OR5D16: variants seen among roughly 807,000 people sequenced by gnomAD.
The protein encoded by OR5D16 is olfactory receptor family 5 subfamily D member 16.
For synonymous variants in OR5D16, 185 were observed against 153.2 expected (o/e 1.21, Z -1.53); for missense variants, 477 against 385.5 (o/e 1.24, Z -1.99).
Position 55,838,952 on chromosome 11 carries a change from C to CCT in OR5D16, c.205_206dup (p.Phe70ProfsTer14). 6.2e-7 allele frequency: 1 copy of CCT among 1,614,030 alleles called. No individual in the cohort carries two copies. Among genetic ancestry groups the CCT allele is most frequent in the Non-Finnish European group, 8.5e-7 (1 of 1,179,940 alleles). ...CCCCCATGTATTTTTTCCTCAACCA[C>CCT]CTCTCCTTTGTGGATTTCTGCTATT... On this transcript the variant is annotated frameshift_variant, in exon 1 of 1. Coordinates refer to ENST00000378396, the MANE Select transcript of OR5D16 (RefSeq NM_001005496.1). LOFTEE classifies it low-confidence loss of function (END_TRUNC).
rs1167610771 is a variant in OR5D16, at chr11:55,839,311, T to C, written c.560T>C (p.Ile187Thr). 1.9e-6 allele frequency: 3 copies of C among 1,613,624 alleles called. No individual in the cohort carries two copies. Among genetic ancestry groups the C allele is most frequent in the East Asian group, 2.2e-5 (1 of 44,882 alleles). ...TTCTTCTGTGAGTTATCCTCCCTGA[T>C]ATCACTCTCTTACCCTGACTCTTAT... The part of the protein sequence containing the change: ...NHFFCELSSL[I>T]SLSYPDSYLS... The change falls in exon 1 of 1, where the codon ATA becomes ACA. Residue 187 changes from isoleucine (I) to threonine (T), a missense_variant. Transcript: ENST00000378396.
At position 55,839,134 on chromosome 11, in the gene OR5D16, T is replaced by C. The variant is rs1282153961; in HGVS notation, c.383T>C (p.Ile128Thr). Residue 128 changes from isoleucine (I) to threonine (T), a missense_variant, in exon 1 of 1, where the codon ATT (isoleucine) becomes ACT (threonine). Physicochemically the swap from Ile to Thr is moderately conservative, Grantham distance 89. Coordinates refer to ENST00000378396, the MANE Select transcript of OR5D16 (RefSeq NM_001005496.1). ...AVMAYDHFVA[I>T]CNPLLYTVAI... is the part of the protein sequence containing the mutation. ...ATGGCCTATGACCACTTTGTGGCCATTTGCAATCCTCTGCTCTACACAGTT... is the reference window on the plus strand; with the variant it reads ...ATGGCCTATGACCACTTTGTGGCCACTTGCAATCCTCTGCTCTACACAGTT... The C allele has an allele frequency of 6.2e-7, 1 of 1,614,002 alleles. No homozygotes were observed. The highest frequency in any genetic ancestry group is 8.5e-7 in the Non-Finnish European group (1 of 1,179,966).
Position 55,839,143 on chromosome 11 carries a change from C to T in OR5D16, c.392C>T (p.Pro131Leu), listed in dbSNP as rs750721877. The T allele has an allele frequency of 2.5e-6, 4 of 1,614,034 alleles. No homozygotes were observed. In the South Asian group the frequency reaches 4.4e-5, roughly 18 times the overall value. The change falls in exon 1 of 1, where the codon CCT becomes CTT. Residue 131 changes from proline (P) to leucine (L), a missense_variant. Coordinates refer to ENST00000378396, the MANE Select transcript of OR5D16 (RefSeq NM_001005496.1). The part of the protein sequence containing the change: ...AYDHFVAICN[P>L]LLYTVAISQK... ...GACCACTTTGTGGCCATTTGCAATC[C>T]TCTGCTCTACACAGTTGCCATCTCC... is the stretch of plus-strand genomic sequence containing the variant.
chr11:55,839,019 G>A lies in OR5D16; in HGVS notation c.268G>A (p.Glu90Lys), dbSNP rs1854050119. The change falls in exon 1 of 1, where the codon GAA becomes AAA. Residue 90 changes from glutamate (E) to lysine (K), a missense_variant. Physicochemically the swap from Glu to Lys is moderately conservative, Grantham distance 56 (BLOSUM62 1). Coordinates refer to ENST00000378396, the MANE Select transcript of OR5D16 (RefSeq NM_001005496.1). ...APMMLVNLVV[E>K]DRTISFSGCL... is the part of the protein sequence containing the mutation. ...CATGATGCTGGTGAACCTGGTTGTAGAAGATAGAACCATTTCATTCTCAGG... is the reference window on the plus strand; with the variant it reads ...CATGATGCTGGTGAACCTGGTTGTAAAAGATAGAACCATTTCATTCTCAGG... 5 of 1,614,030 alleles carry A rather than the reference G, an allele frequency of 3.1e-6. No homozygotes were observed. Among genetic ancestry groups the A allele is most frequent in the Non-Finnish European group, 4.2e-6 (5 of 1,179,940 alleles).
At position 55,839,388 on chromosome 11, in the gene OR5D16, C is replaced by G; in HGVS notation, c.637C>G (p.Leu213Val). The change falls in exon 1 of 1, where the codon CTA becomes GTA. Residue 213 changes from leucine (L) to valine (V), a missense_variant. Transcript: ENST00000378396. ...TGCCACTTTTAATGAGATAAGCACA[C>G]TACTCATCATTCTGACATCTTATGC... ...TVATFNEIST[L>V]LIILTSYAFI... 1 of 1,613,988 alleles carries G rather than the reference C, an allele frequency of 6.2e-7. No individual in the cohort carries two copies.
chr11:55,839,408 T>C lies in OR5D16; in HGVS notation c.657T>C (p.Ser219=). 1 of 1,614,012 alleles carries C rather than the reference T, an allele frequency of 6.2e-7. No individual in the cohort carries two copies. Among genetic ancestry groups the C allele is most frequent in the Non-Finnish European group, 8.5e-7 (1 of 1,179,914 alleles). The change falls in exon 1 of 1, where the codon TCT becomes TCC. Residue 219 remains serine, a synonymous_variant. Transcript: ENST00000378396. ...GCACACTACTCATCATTCTGACATC[T>C]TATGCATTCATCATTGTCACCACCT... ...EISTLLIILT[S]YAFIIVTTLK... is the part of the protein sequence containing the mutation.
In OR5D16 at chr11:55,839,196, G is replaced by A; in HGVS notation, c.445G>A (p.Val149Ile). ...GAAACTCTGTGCCATGCTGGTGGTT[G>A]TATTGTATGCATGGGGAGTCGCATG... is the stretch of plus-strand genomic sequence containing the variant. The part of the protein sequence containing the change: ...SQKLCAMLVV[V>I]LYAWGVACSL... Residue 149 changes from valine (V) to isoleucine (I), a missense_variant, in exon 1 of 1, where the codon GTA becomes ATA. By Grantham distance (29) the Val-to-Ile change is conservative. Transcript: ENST00000378396. The A allele has an allele frequency of 6.2e-7, 1 of 1,613,962 alleles. No individual in the cohort carries two copies. Among genetic ancestry groups the A allele is most frequent in the Non-Finnish European group, 8.5e-7 (1 of 1,179,950 alleles).
In OR5D16 at chr11:55,839,453, T is replaced by G. The variant is rs768612032; in HGVS notation, c.702T>G (p.Ser234Arg). The change falls in exon 1 of 1, where the codon AGT (serine) becomes AGG (arginine). Residue 234 changes from serine to arginine, a missense_variant. Transcript: ENST00000378396. Reference protein sequence around the residue: ...IVTTLKMPSASGHRKVFSTCA... With the variant: ...IVTTLKMPSARGHRKVFSTCA... ...CCACCTTGAAGATGCCTTCAGCCAG[T>G]GGGCACCGCAAAGTCTTCTCCACCT... The G allele has an allele frequency of 1.2e-6, 2 of 1,614,068 alleles. No individual in the cohort carries two copies. Among genetic ancestry groups the G allele is most frequent in the African/African-American group, 2.7e-5 (2 of 75,028 alleles).
Position 55,838,939 on chromosome 11 carries a change from T to C in OR5D16, c.188T>C (p.Phe63Ser). 1.9e-6 allele frequency: 3 copies of C among 1,614,046 alleles called. No homozygotes were observed. The highest frequency in any genetic ancestry group is 2.5e-6 in the Non-Finnish European group (3 of 1,179,954). ...CCAAAATTGCATACCCCCATGTATT[T>C]TTTCCTCAACCACCTCTCCTTTGTG... The part of the protein sequence containing the change: ...INPKLHTPMY[F>S]FLNHLSFVDF... The change falls in exon 1 of 1, where the codon TTT becomes TCT. Residue 63 changes from phenylalanine to serine, a missense_variant. By Grantham distance (155) the Phe-to-Ser change is radical. Transcript: ENST00000378396.
Position 55,839,468 on chromosome 11 carries a change from C to T in OR5D16, c.717C>T (p.Val239=). 1 of 1,613,998 alleles carries T rather than the reference C, an allele frequency of 6.2e-7. No homozygotes were observed. Among genetic ancestry groups the T allele is most frequent in the Non-Finnish European group, 8.5e-7 (1 of 1,179,958 alleles). ...KMPSASGHRK[V]FSTCASHLTA... ...CTTCAGCCAGTGGGCACCGCAAAGT[C>T]TTCTCCACCTGTGCCTCCCACCTGA... The change falls in exon 1 of 1, where the codon GTC becomes GTT. Residue 239 remains valine (V), a synonymous_variant. Transcript: ENST00000378396.
chr11:55,839,009 C>T lies in OR5D16; in HGVS notation c.258C>T (p.Asn86=), dbSNP rs760792659. Residue 86 remains asparagine (N), a synonymous_variant, in exon 1 of 1, where the codon AAC becomes AAT. Transcript: ENST00000378396. ...TCATTGCTCCCATGATGCTGGTGAA[C>T]CTGGTTGTAGAAGATAGAACCATTT... ...SSIIAPMMLV[N]LVVEDRTISF... is the part of the protein sequence containing the mutation. 1 of 1,614,094 alleles carries T rather than the reference C, an allele frequency of 6.2e-7. No homozygotes were observed. Among genetic ancestry groups the T allele is most frequent in the African/African-American group, 1.3e-5 (1 of 75,022 alleles).
In OR5D16 at chr11:55,838,902, A is replaced by G; in HGVS notation, c.151A>G (p.Ile51Val). ...VVGNLGMIVI[I>V]KINPKLHTPM... ...AGGGAATCTTGGGATGATAGTGATC[A>G]TCAAAATTAACCCAAAATTGCATAC... The change falls in exon 1 of 1, where the codon ATC (isoleucine) becomes GTC (valine). Residue 51 changes from isoleucine (I) to valine (V), a missense_variant. Transcript: ENST00000378396. 6.2e-7 allele frequency: 1 copy of G among 1,613,994 alleles called. No homozygotes were observed. The highest frequency in any genetic ancestry group is 8.5e-7 in the Non-Finnish European group (1 of 1,179,952).
At position 55,838,877 on chromosome 11, in the gene OR5D16, A is replaced by C. The variant is rs374896109; in HGVS notation, c.126A>C (p.Val42=). 4 of 1,614,012 alleles carry C rather than the reference A, an allele frequency of 2.5e-6. No homozygotes were observed. The highest frequency in any genetic ancestry group is 1.7e-6 in the Non-Finnish European group (2 of 1,179,950). ...TGGCAGTCTACGGCTTCAGTGTGGT[A>C]GGGAATCTTGGGATGATAGTGATCA... The part of the protein sequence containing the change: ...VFLAVYGFSV[V]GNLGMIVIIK... Residue 42 remains valine (V), a synonymous_variant, in exon 1 of 1, where the codon GTA becomes GTC. Transcript: ENST00000378396.
rs780184584 is a variant in OR5D16, at chr11:55,839,500, T to C, written c.749T>C (p.Ile250Thr). ...ACCTGTGCCTCCCACCTGACTGCCATCACCATCTTCCATGGCACCATCCTC... is the reference window on the plus strand; with the variant it reads ...ACCTGTGCCTCCCACCTGACTGCCACCACCATCTTCCATGGCACCATCCTC... ...FSTCASHLTA[I>T]TIFHGTILFL... Residue 250 changes from isoleucine to threonine, a missense_variant, in exon 1 of 1, where the codon ATC becomes ACC. Physicochemically the swap from Ile to Thr is moderately conservative, Grantham distance 89 (BLOSUM62 -1). Transcript: ENST00000378396. 10 of 1,613,926 alleles carry C rather than the reference T, an allele frequency of 6.2e-6. No homozygotes were observed. The highest frequency in any genetic ancestry group is 5.0e-5 in the Admixed American group (3 of 59,968).
chr11:55,839,645 T>C lies in OR5D16; in HGVS notation c.894T>C (p.Asp298=), dbSNP rs1854068703. The change falls in exon 1 of 1, where the codon GAT becomes GAC. Residue 298 remains aspartate (D), a synonymous_variant. Transcript: ENST00000378396. ...TGATCTACAGTCTGAGAAATAAAGA[T>C]GTTAAGGATGCAATCCGAAAAATAA... ...NPLIYSLRNK[D]VKDAIRKIIN... is the part of the protein sequence containing the mutation. The C allele has an allele frequency of 3.1e-6, 5 of 1,613,508 alleles. No homozygotes were observed. In the East Asian group the frequency reaches 8.9e-5, roughly 29 times the overall value.
rs1854045269 is a variant in OR5D16, at chr11:55,838,838, CTTCTTTGTA to C, written c.90_98del (p.Phe31_Phe33del). 3.1e-6 allele frequency: 5 copies of C among 1,613,798 alleles called. No homozygotes were observed. The East Asian group carries it at 6.7e-5, about 22-fold the overall frequency. The stretch of plus-strand genomic sequence containing the variant: ...ATTACCTGGAACTGCAAATTCCCCT[CTTCTTTGTA>C]TTTCTGGCAGTCTACGGCTTCAGTG... On this transcript the variant is annotated inframe_deletion, in exon 1 of 1. Transcript: ENST00000378396.
In OR5D16 at chr11:55,839,256, T is replaced by A; in HGVS notation, c.505T>A (p.Ser169Thr). Reference protein sequence around the residue: ...LTLACSALKLSFHGFNTINHF... With the variant: ...LTLACSALKLTFHGFNTINHF... ...ACTCGCGTGCTCTGCTTTAAAGTTATCTTTTCATGGTTTCAACACAATCAA... is the reference window on the plus strand; with the variant it reads ...ACTCGCGTGCTCTGCTTTAAAGTTAACTTTTCATGGTTTCAACACAATCAA... Residue 169 changes from serine (S) to threonine (T), a missense_variant, in exon 1 of 1, where the codon TCT (serine) becomes ACT (threonine). Ser to Thr is a moderately conservative substitution (Grantham distance 58, BLOSUM62 1). Coordinates refer to ENST00000378396, the MANE Select transcript of OR5D16 (RefSeq NM_001005496.1). 6.2e-7 allele frequency: 1 copy of A among 1,614,024 alleles called. No homozygotes were observed. Among genetic ancestry groups the A allele is most frequent in the Non-Finnish European group, 8.5e-7 (1 of 1,179,972 alleles).
Position 55,838,894 on chromosome 11 carries a change from T to G in OR5D16, c.143T>G (p.Ile48Arg), listed in dbSNP as rs768423463. The change falls in exon 1 of 1, where the codon ATA becomes AGA. Residue 48 changes from isoleucine to arginine, a missense_variant. By Grantham distance (97) the Ile-to-Arg change is moderately conservative (BLOSUM62 -3). Transcript: ENST00000378396. ...GFSVVGNLGMIVIIKINPKLH... is the reference protein window; with the variant it reads ...GFSVVGNLGMRVIIKINPKLH... Reference sequence around the variant, plus strand: ...AGTGTGGTAGGGAATCTTGGGATGATAGTGATCATCAAAATTAACCCAAAA... The same window carrying G: ...AGTGTGGTAGGGAATCTTGGGATGAGAGTGATCATCAAAATTAACCCAAAA... 2.5e-6 allele frequency: 4 copies of G among 1,614,022 alleles called. No homozygotes were observed. Among genetic ancestry groups the G allele is most frequent in the Non-Finnish European group, 3.4e-6 (4 of 1,179,954 alleles).
At position 55,839,648 on chromosome 11, in the gene OR5D16, T is replaced by G. The variant is rs1854068739; in HGVS notation, c.897T>G (p.Val299=). ...PLIYSLRNKD[V]KDAIRKIINT... Reference sequence around the variant, plus strand: ...TCTACAGTCTGAGAAATAAAGATGTTAAGGATGCAATCCGAAAAATAATCA... The same window carrying G: ...TCTACAGTCTGAGAAATAAAGATGTGAAGGATGCAATCCGAAAAATAATCA... Residue 299 remains valine, a synonymous_variant, in exon 1 of 1, where the codon GTT becomes GTG. Coordinates refer to ENST00000378396, the MANE Select transcript of OR5D16 (RefSeq NM_001005496.1). 3 of 1,613,160 alleles carry G rather than the reference T, an allele frequency of 1.9e-6. No homozygotes were observed. Among genetic ancestry groups the G allele is most frequent in the South Asian group, 2.2e-5 (2 of 91,064 alleles).
Sources: gnomAD v4.1 joint callset for allele counts on GRCh38, gnomAD v4.1.1 for gene constraint, MANE v1.5 for transcripts, NCBI Gene and HGNC (gene_info 2026-07-23, HGNC 2026-07-21) for gene names.